Variants in ACKR2 observed in about 807,000 individuals in gnomAD.
The protein encoded by ACKR2 is atypical chemokine receptor 2.
For synonymous variants in ACKR2, 207 were observed against 192.2 expected (o/e 1.08, Z -0.64); for missense variants, 457 against 477.3 (o/e 0.96, Z 0.40).
At chr3:42,845,231 T>C (rs1446759392) in intron 2 of ACKR2, among the ~76,000 whole-genome samples, 2 of 152,184 alleles carry the variant, frequency 1.3e-5, no homozygotes, top group African/African-American at 4.8e-5. Flanking sequence ...TTTAGTTTGG[T>C]ATAGAATAGA....
At chr3:42,845,278 A>G (rs956003642) in intron 2 of ACKR2, among the ~76,000 whole-genome samples, 15 of 152,224 alleles carry the variant, frequency 9.9e-5, no homozygotes, top group African/African-American at 3.6e-4. Flanking sequence ...CTGTACTCAA[A>G]GACCAAGAAA....
At chr3:42,843,694 T>C (rs1173543083) in intron 2 of ACKR2, among the ~76,000 whole-genome samples, 1 of 152,230 alleles carries the variant, frequency 6.6e-6, no homozygotes, top group African/African-American at 2.4e-5. Context: ...CCTGGTGTTC[T>C]GATTTAGCCA....
At chr3:42,838,307 T>A (rs1179631651) in intron 2 of ACKR2, among the ~76,000 whole-genome samples, 1 of 152,150 alleles carries the variant, frequency 6.6e-6, no homozygotes, top group African/African-American at 2.4e-5. Context: ...AAAGACTTTT[T>A]ATAAAGGATA....
intron 2 of ACKR2, among the ~76,000 whole-genome samples, chr3:42,833,743 G>C (rs1402435956): frequency 2.0e-5 from 3 of 151,968 alleles, no homozygotes; most frequent in African/African-American, 7.2e-5. Context: ...GACTTCTGTG[G>C]CTTTATTGAT....
chr3:42,829,051 C>T (rs1700902231), intron 2 of ACKR2, among the ~76,000 whole-genome samples: 1 of 152,030 alleles, frequency 6.6e-6, no homozygotes, highest in East Asian at 1.9e-4. Flanking sequence ...AGAAAAGGAA[C>T]AGAGCAGGTG....
rs968257873 is a variant in ACKR2 at position 42,813,486 on chromosome 3, A to T, written c.-119+3954A>T. Among the ~76,000 whole-genome samples, 3 of 152,190 alleles carry T rather than the reference A, an allele frequency of 2.0e-5. No homozygotes were observed. In the East Asian group the frequency reaches 5.8e-4, roughly 29 times the overall value. ...CATGGTGGAAGATGAAGGGGAAGCA[A>T]ACCTGTCTTATATGGTGGGATCAGG... is the stretch of plus-strand genomic sequence containing the variant. On this transcript the variant is annotated intron_variant, in intron 1 of 2. Coordinates refer to ENST00000422265, the MANE Select transcript of ACKR2 (RefSeq NM_001296.5).
At chr3:42,831,870 A>C (rs1158995227) in intron 2 of ACKR2, among the ~76,000 whole-genome samples, 2 of 152,208 alleles carry the variant, frequency 1.3e-5, no homozygotes, top group African/African-American at 4.8e-5. Flanking sequence ...CCAAAAATGC[A>C]ATTACTAGTA....
chr3:42,809,861 C>CAA (rs532595301), intron 1 of ACKR2, among the ~76,000 whole-genome samples: 16 of 125,792 alleles, frequency 1.3e-4, no homozygotes, highest in African/African-American at 2.1e-4. Flanking sequence ...GACTCCGTCT[C>CAA]AAAAAAAAAA....
At chr3:42,829,309 C>T (rs1233862447) in intron 2 of ACKR2, among the ~76,000 whole-genome samples, 1 of 152,176 alleles carries the variant, frequency 6.6e-6, no homozygotes, top group Admixed American at 6.5e-5. Flanking sequence ...TCACTAGATG[C>T]AAATGAATTA....
At chr3:42,853,957 G>C (rs1701190657) in intron 2 of ACKR2, among the ~76,000 whole-genome samples, 1 of 152,192 alleles carries the variant, frequency 6.6e-6, no homozygotes, top group Non-Finnish European at 1.5e-5. Flanking sequence ...TTTGCATGTT[G>C]AATCAGCTGC....
At chr3:42,823,299 G>C (rs1261191762) in intron 2 of ACKR2, among the ~76,000 whole-genome samples, 1 of 152,124 alleles carries the variant, frequency 6.6e-6, no homozygotes, top group African/African-American at 2.4e-5. Flanking sequence ...TTGCCTAGGG[G>C]AATTTGTACT....
At position 42,865,427 on chromosome 3, in the gene ACKR2, C is replaced by G. The variant is rs199910446; in HGVS notation, c.925C>G (p.Pro309Ala). 26 of 1,614,056 alleles carry G rather than the reference C, an allele frequency of 1.6e-5. No homozygotes were observed. Among genetic ancestry groups the G allele is most frequent in the Middle Eastern group, 1.6e-4 (1 of 6,084 alleles). ...CGCCTTCCTTCACTGCTGCTTTTCC[C>G]CCATCCTGTATGCCTTCTCCAGTCA... The part of the protein sequence containing the change: ...SIAFLHCCFS[P>A]ILYAFSSHRF... Residue 309 changes from proline (P) to alanine (A), a missense_variant, in exon 3 of 3, where the codon CCC becomes GCC. Transcript: ENST00000422265.
chr3:42,859,785 G>A (rs2088361285), intron 2 of ACKR2, among the ~76,000 whole-genome samples: 1 of 152,004 alleles, frequency 6.6e-6, no homozygotes, highest in African/African-American at 2.4e-5. Flanking sequence ...ACAAGCAAAT[G>A]CTGAGAGATT....
intron 2 of ACKR2, among the ~76,000 whole-genome samples, chr3:42,857,270 A>T (rs2088330951): frequency 6.6e-6 from 1 of 152,122 alleles, no homozygotes. Flanking sequence ...TCAAGAGGAG[A>T]GACTCACAGG....
intron 2 of ACKR2, among the ~76,000 whole-genome samples, chr3:42,823,345 A>G (rs928828878): frequency 8.5e-5 from 13 of 152,082 alleles, no homozygotes; most frequent in African/African-American, 2.9e-4. Flanking sequence ...CTGTCTCAAT[A>G]TCTCCCTCTC....
chr3:42,865,674 C>G lies in ACKR2; in HGVS notation c.*17C>G. On this transcript the variant is annotated 3_prime_UTR_variant, in exon 3 of 3. Transcript: ENST00000422265. ...TCAGCCTGAGTGACCAAATTTTGGT[C>G]TGGTGGGAACAGATGGGAACCAGCT... 6.3e-7 allele frequency: 1 copy of G among 1,585,606 alleles called. No individual in the cohort carries two copies. Among genetic ancestry groups the G allele is most frequent in the South Asian group, 1.2e-5 (1 of 85,224 alleles).
chr3:42,851,467 C>T (rs905020421), intron 2 of ACKR2: 2 of 983,126 alleles, frequency 2.0e-6, no homozygotes, highest in African/African-American at 1.8e-5. Flanking sequence ...AGGTTATAGC[C>T]ATACTCGGGG....
chr3:42,821,337 A>G (rs1243360945), intron 2 of ACKR2, among the ~76,000 whole-genome samples: 1 of 152,186 alleles, frequency 6.6e-6, no homozygotes, highest in Admixed American at 6.5e-5. Context: ...GAAGCAAGAA[A>G]AACCACATAC....
chr3:42,828,471 C>T (rs1447455925), intron 2 of ACKR2, among the ~76,000 whole-genome samples: 1 of 152,156 alleles, frequency 6.6e-6, no homozygotes, highest in Non-Finnish European at 1.5e-5. Flanking sequence ...GTGAGAAGGT[C>T]ACTTCTTTCT....
Sources: allele counts gnomAD v4.1 joint callset (sites outside exome capture counted in the v4.1 genomes callset), GRCh38; gene constraint gnomAD v4.1.1; transcripts MANE v1.5; gene names NCBI Gene and HGNC (gene_info 2026-07-23, HGNC 2026-07-21).